The following GRXCR2 variants were observed in gnomAD, a reference collection of about 807,000 sequenced individuals.
GRXCR2 encodes the protein glutaredoxin and cysteine rich domain containing 2.
Under a neutral mutation model 24.8 loss-of-function variants are expected in GRXCR2, and 23 were observed. The observed-to-expected ratio is 0.93, with a 90% confidence interval of 0.67 to 1.32. GRXCR2 has a LOEUF of 1.32. Among genes scored for constraint, GRXCR2 ranks in the 40% most tolerant of loss-of-function variants. The pLI is 0.00. For synonymous variants in GRXCR2, 130 were observed against 116.1 expected, an observed-to-expected ratio of 1.12 and a Z score of -0.77; for missense variants, 315 against 303.4, an observed-to-expected ratio of 1.04 and a Z score of -0.28.
At chr5:145,926,479 T>C (rs1009052937) in intron 2 of GRXCR2, among the ~76,000 whole-genome samples, 3 of 152,192 alleles carry the variant, frequency 2.0e-5, no homozygotes, top group African/African-American at 7.2e-5. Context: ...ATTTATTAAA[T>C]AGGGAATTGT....
In GRXCR2 at chr5:145,858,837, T is replaced by TA. The variant is rs368986731; in HGVS notation, c.*895dup. 91 of 152,202 alleles carry TA rather than the reference T, an allele frequency of 6.0e-4. No individual in the cohort carries two copies. The highest frequency in any genetic ancestry group is 2.0e-3 in the African/African-American group (82 of 41,452). 9.4% of individuals were successfully genotyped at this position (152,202 alleles called of 1,614,324 possible). On this transcript the variant is annotated 3_prime_UTR_variant, in exon 3 of 3. Coordinates refer to ENST00000377976, the MANE Select transcript of GRXCR2 (RefSeq NM_001080516.2). The stretch of plus-strand genomic sequence containing the variant: ...TCATGGATAGTAGAAACATTACTGC[T>TA]AAAAATCAGCCTTGGTTAATTTTTT...
At chr5:145,900,570 A>C (rs1448737398) in intron 2 of GRXCR2, among the ~76,000 whole-genome samples, 1 of 152,218 alleles carries the variant, frequency 6.6e-6, no homozygotes, top group Admixed American at 6.5e-5. Context: ...AGAGAAATGC[A>C]AATCAAAACC....
At chr5:145,864,367 T>C (rs1756391383) in intron 2 of GRXCR2, among the ~76,000 whole-genome samples, 1 of 152,134 alleles carries the variant, frequency 6.6e-6, no homozygotes, top group Non-Finnish European at 1.5e-5. Flanking sequence ...TACACAGAGC[T>C]TTCTGGGACA....
chr5:145,870,249 C>T (rs560705602), intron 1 of GRXCR2, among the ~76,000 whole-genome samples: 2 of 152,240 alleles, frequency 1.3e-5, no homozygotes, highest in South Asian at 2.1e-4. Context: ...CCCCTGCCCC[C>T]AGCCCCTGCC....
intron 2 of GRXCR2, among the ~76,000 whole-genome samples, chr5:145,863,400 T>C (rs763752474): frequency 1.3e-5 from 2 of 152,250 alleles, no homozygotes; most frequent in Non-Finnish European, 2.9e-5. Flanking sequence ...ACCTCTGTCC[T>C]AGTTTATAGC....
chr5:145,915,682 C>T (rs1475226915), intron 2 of GRXCR2, among the ~76,000 whole-genome samples: 16 of 151,824 alleles, frequency 1.1e-4, no homozygotes. Flanking sequence ...TGCAGTGAGC[C>T]CAGATCATAC....
intron 2 of GRXCR2, among the ~76,000 whole-genome samples, chr5:145,905,332 A>G (rs1041594090): frequency 5.3e-5 from 8 of 152,216 alleles, no homozygotes; most frequent in African/African-American, 1.9e-4. Context: ...AAAGTAAATA[A>G]CATGTAAGGC....
At chr5:145,929,245 C>A (rs1757447833) in intron 2 of GRXCR2, among the ~76,000 whole-genome samples, 1 of 126,292 alleles carries the variant, frequency 7.9e-6, no homozygotes. Context: ...TTACCCACTC[C>A]CCTATTTTTG....
At chr5:145,916,940 A>G (rs1197655193) in intron 2 of GRXCR2, among the ~76,000 whole-genome samples, 1 of 152,120 alleles carries the variant, frequency 6.6e-6, no homozygotes, top group Non-Finnish European at 1.5e-5. Context: ...CAAGCGTGGA[A>G]ACTAACTTAA....
chr5:145,923,061 CA>C (rs1443260528), intron 2 of GRXCR2, among the ~76,000 whole-genome samples: 1 of 152,210 alleles, frequency 6.6e-6, no homozygotes, highest in African/African-American at 2.4e-5. Flanking sequence ...GCATAAGCCC[CA>C]CTCAATCTCA....
chr5:145,894,107 C>G (rs1756912133), intron 2 of GRXCR2, among the ~76,000 whole-genome samples: 1 of 151,976 alleles, frequency 6.6e-6, no homozygotes, highest in Non-Finnish European at 1.5e-5. Context: ...CACAACATAC[C>G]AGAATCTCTG....
intron 2 of GRXCR2, among the ~76,000 whole-genome samples, chr5:145,864,427 T>C (rs1226952033): frequency 6.6e-6 from 1 of 152,074 alleles, no homozygotes; most frequent in Non-Finnish European, 1.5e-5. Context: ...CACTGAAAGC[T>C]TAGAGGGGGT....
At chr5:145,870,371 C>T (rs1347127) in intron 1 of GRXCR2, among the ~76,000 whole-genome samples, 52,372 of 151,952 alleles carry the variant, frequency 0.34, 9,909 homozygotes, top group East Asian at 0.69. Context: ...TTTAGTATAA[C>T]GTCTTCAAGG....
upstream of GRXCR2, chr5:145,873,136 A>G: frequency 1.6e-6 from 1 of 608,804 alleles, no homozygotes; most frequent in Non-Finnish European, 2.9e-6. Context: ...AAATATTGAT[A>G]GACCCTCATG....
At chr5:145,879,017 C>T (rs1756659974) in intron 2 of GRXCR2, among the ~76,000 whole-genome samples, 2 of 152,134 alleles carry the variant, frequency 1.3e-5, no homozygotes. Flanking sequence ...ACTACCAAGC[C>T]TGCCTTACAA....
At position 145,858,644 on chromosome 5, in the gene GRXCR2, T is replaced by C. The variant is rs1354451484; in HGVS notation, c.*1089A>G. 2.0e-5 allele frequency: 3 copies of C among 152,174 alleles called. No individual in the cohort carries two copies. The East Asian group carries it at 5.8e-4, about 29-fold the overall frequency. The allele number at this position is 152,174 out of a possible 1,614,324, so 9.4% of individuals were successfully genotyped here. ...CTTGAGAAATTATTAAGTTATGAAA[T>C]CAAAATTATTATCACAGAATGCAGC... On this transcript the variant is annotated 3_prime_UTR_variant, in exon 3 of 3. Coordinates refer to ENST00000377976, the MANE Select transcript of GRXCR2 (RefSeq NM_001080516.2).
At chr5:145,917,385 TA>T (rs1757257011) in intron 2 of GRXCR2, among the ~76,000 whole-genome samples, 1 of 152,002 alleles carries the variant, frequency 6.6e-6, no homozygotes, top group Non-Finnish European at 1.5e-5. Flanking sequence ...ATTTCAGAAA[TA>T]GAAGAGGTGT....
At chr5:145,876,742 G>A (rs1756624464), upstream of GRXCR2, among the ~76,000 whole-genome samples, 1 of 152,118 alleles carries the variant, frequency 6.6e-6, no homozygotes, top group African/African-American at 2.4e-5. Flanking sequence ...CTAAAATCAT[G>A]GGAAGTTTTG....
rs571364841 is a variant in GRXCR2, at chr5:145,912,016, G to A, written c.-70+23685C>T. On this transcript the variant is annotated intron_variant, in intron 2 of 3. Transcript: ENST00000639411. Reference sequence around the variant, plus strand: ...GGTAGCTGAGGTGAGAGGATTACATGAGCCCAGGAGATCGAAGCTGCAGTG... The same window carrying A: ...GGTAGCTGAGGTGAGAGGATTACATAAGCCCAGGAGATCGAAGCTGCAGTG... 9.7e-4 allele frequency among the ~76,000 whole-genome samples: 148 copies of A among 152,320 alleles called. 2 individuals carry two copies. The highest frequency in any genetic ancestry group is 6.8e-3 in the Middle Eastern group (2 of 294).
Sources: allele counts gnomAD v4.1 joint callset (sites outside exome capture counted in the v4.1 genomes callset), GRCh38; gene constraint gnomAD v4.1.1; transcripts MANE v1.5; gene names NCBI Gene and HGNC (gene_info 2026-07-23, HGNC 2026-07-21).